SLC5A11: variants seen among roughly 807,000 people sequenced by gnomAD.
The protein encoded by SLC5A11 is solute carrier family 5 member 11.
In SLC5A11, 48 loss-of-function variants were observed where a neutral mutation model predicts 69.8. The observed-to-expected ratio is 0.69, with a 90% CI of 0.55 to 0.87. The LOEUF (loss-of-function observed/expected upper bound fraction) is 0.87. Among genes scored for constraint, SLC5A11 ranks in the 40% least tolerant of loss-of-function variants. The pLI is 0.00. For synonymous variants in SLC5A11, 319 were observed against 342.4 expected (o/e 0.93, Z 0.75); for missense variants, 784 against 866.1 (o/e 0.91, Z 1.19).
In SLC5A11 at chr16:24,871,019, A is replaced by G. The variant is rs1032340010; in HGVS notation, c.312+1014A>G. 7.2e-5 allele frequency among the ~76,000 whole-genome samples: 11 copies of G among 152,216 alleles called. No individual in the cohort carries two copies. In the South Asian group the frequency reaches 2.1e-3, roughly 29 times the overall value. On this transcript the variant is annotated intron_variant, in intron 4 of 15. Transcript: ENST00000347898. ...AGGGCTCATTTGGGATATGATTTTTACTGGGGTCAGGGCAGGGAGGGGATT... is the reference window on the plus strand; with the variant it reads ...AGGGCTCATTTGGGATATGATTTTTGCTGGGGTCAGGGCAGGGAGGGGATT...
chr16:24,892,227 T>C (rs1273588953), intron 9 of SLC5A11, among the ~76,000 whole-genome samples: 1 of 151,672 alleles, frequency 6.6e-6, no homozygotes, highest in Non-Finnish European at 1.5e-5. Context: ...GACAGTAAGA[T>C]CCTGTCTCAA....
rs187931802 is a variant in SLC5A11, at chr16:24,864,819, T to A, written c.207+2147T>A. ...ATCATTAAAGAGATAGATTTTTTTT[T>A]AAGTGGAAATTATGGAGTTGGAAAG... is the stretch of plus-strand genomic sequence containing the variant. On this transcript the variant is annotated intron_variant, in intron 3 of 15. Transcript: ENST00000347898. 6.1e-4 allele frequency among the ~76,000 whole-genome samples: 93 copies of A among 152,100 alleles called. 1 individual carries two copies. Among genetic ancestry groups the A allele is most frequent in the African/African-American group, 2.1e-3 (87 of 41,448 alleles).
intron 6 of SLC5A11, among the ~76,000 whole-genome samples, chr16:24,876,128 G>A (rs935768988): frequency 6.6e-6 from 1 of 151,872 alleles, no homozygotes; most frequent in African/African-American, 2.4e-5. Context: ...CCCAGAAGGC[G>A]GGGGTTGCAG....
At chr16:24,862,957 T>A (rs2046676184) in intron 3 of SLC5A11, among the ~76,000 whole-genome samples, 4 of 139,524 alleles carry the variant, frequency 2.9e-5, no homozygotes, top group East Asian at 2.0e-4. Context: ...TAACATATAA[T>A]TATATATTAT....
chr16:24,883,421 G>A (rs915678561), intron 7 of SLC5A11, among the ~76,000 whole-genome samples: 3 of 152,104 alleles, frequency 2.0e-5, no homozygotes, highest in Non-Finnish European at 4.4e-5. Flanking sequence ...CTTGGGGACT[G>A]TGGCCTAAGC....
intron 1 of SLC5A11, among the ~76,000 whole-genome samples, chr16:24,856,837 G>T (rs2059556657): frequency 6.6e-6 from 1 of 151,824 alleles, no homozygotes; most frequent in South Asian, 2.1e-4. Context: ...TGTAAATGGT[G>T]GAGTCAAGGT....
At chr16:24,909,184 T>C in intron 14 of SLC5A11, 88 bp downstream of exon 15, 2 of 1,393,936 alleles carry the variant, frequency 1.4e-6, no homozygotes, top group Non-Finnish European at 2.0e-6. Flanking sequence ...CGAAGGAGAC[T>C]GATTGTCCAA....
intron 1 of SLC5A11, among the ~76,000 whole-genome samples, chr16:24,847,518 TTTTTTA>T (rs1013569917): frequency 6.6e-6 from 1 of 152,064 alleles, no homozygotes; most frequent in African/African-American, 2.4e-5. Flanking sequence ...CCCTGCTAAC[TTTTTTA>T]TTTTTATTTT....
rs1383044526 is a variant in SLC5A11, at chr16:24,891,089, C to G, written c.870+15C>G. On this transcript the variant is annotated intron_variant, in intron 9 of 15. Transcript: ENST00000347898. ...GCACGGATCAGGTACAGGACAGTGGCCTGAGCAAGTTTTTCCTTCTCTTTG... is the reference window on the plus strand; with the variant it reads ...GCACGGATCAGGTACAGGACAGTGGGCTGAGCAAGTTTTTCCTTCTCTTTG... 1 of 1,605,956 alleles carries G rather than the reference C, an allele frequency of 6.2e-7. No individual in the cohort carries two copies. Among genetic ancestry groups the G allele is most frequent in the South Asian group, 1.1e-5 (1 of 90,858 alleles).
chr16:24,897,963 A>T lies in SLC5A11; in HGVS notation c.871-11A>T. ...GCATTCCCAGTTTCCAACCCCCTTG[A>T]TCTTTTCCAGGTGATTGTCCAGCGG... On this transcript the variant is annotated splice_polypyrimidine_tract_variant and intron_variant, in intron 9 of 15. Transcript: ENST00000347898. 1 of 1,613,632 alleles carries T rather than the reference A, an allele frequency of 6.2e-7. No individual in the cohort carries two copies. The highest frequency in any genetic ancestry group is 8.5e-7 in the Non-Finnish European group (1 of 1,179,846).
intron 8 of SLC5A11, among the ~76,000 whole-genome samples, chr16:24,885,219 A>G (rs1384461904): frequency 6.6e-6 from 1 of 152,046 alleles, no homozygotes; most frequent in Non-Finnish European, 1.5e-5. Context: ...TGGTTGCTCT[A>G]TGGCCTCAGC....
chr16:24,879,350 T>G (rs145344766), intron 7 of SLC5A11, among the ~76,000 whole-genome samples: 148 of 152,280 alleles, frequency 9.7e-4, no homozygotes, highest in African/African-American at 3.5e-3. Context: ...GTTTTTCAAC[T>G]GGTATCCCCC....
intron 4 of SLC5A11, among the ~76,000 whole-genome samples, chr16:24,870,433 A>AC (rs2047208489): frequency 7.3e-6 from 1 of 136,500 alleles, no homozygotes; most frequent in African/African-American, 2.9e-5. Flanking sequence ...AACAAAAAAA[A>AC]CAAAAAAAAA....
At chr16:24,899,967 G>A (rs1464429613) in intron 10 of SLC5A11, among the ~76,000 whole-genome samples, 3 of 152,178 alleles carry the variant, frequency 2.0e-5, no homozygotes, top group Non-Finnish European at 4.4e-5. Context: ...GCCTCCCAAA[G>A]TGCTGGGATT....
chr16:24,902,824 C>T (rs921053834), intron 10 of SLC5A11, among the ~76,000 whole-genome samples: 1 of 152,188 alleles, frequency 6.6e-6, no homozygotes, highest in Non-Finnish European at 1.5e-5. Context: ...CAGGCGTGGG[C>T]CACCGTGTCC....
chr16:24,865,834 AAG>A (rs1448976883), intron 3 of SLC5A11, among the ~76,000 whole-genome samples: 1 of 152,034 alleles, frequency 6.6e-6, no homozygotes, highest in Non-Finnish European at 1.5e-5. Context: ...AAAATAAACA[AAG>A]AGCACTGGTG....
At chr16:24,877,800 A>G (rs766545673) in intron 7 of SLC5A11, among the ~76,000 whole-genome samples, 1 of 152,244 alleles carries the variant, frequency 6.6e-6, no homozygotes, top group Non-Finnish European at 1.5e-5. Flanking sequence ...CCTGACCAAC[A>G]TGGCAAAACC....
intron 9 of SLC5A11, among the ~76,000 whole-genome samples, chr16:24,896,336 A>T (rs2049163623): frequency 6.6e-6 from 1 of 152,076 alleles, no homozygotes; most frequent in African/African-American, 2.4e-5. Flanking sequence ...CTAAATAAAA[A>T]TTTTAAAAAT....
At chr16:24,876,219 G>A (rs1188046387) in intron 6 of SLC5A11, among the ~76,000 whole-genome samples, 1 of 147,588 alleles carries the variant, frequency 6.8e-6, no homozygotes, top group Admixed American at 6.7e-5. Flanking sequence ...AAAAAAAAAA[G>A]AAGAAATTGG....
Sources: gnomAD v4.1 joint callset for allele counts (sites outside exome capture counted in the v4.1 genomes callset) on GRCh38, gnomAD v4.1.1 for gene constraint, MANE v1.5 for transcripts, NCBI Gene and HGNC (gene_info 2026-07-23, HGNC 2026-07-21) for gene names.